Variants in PTGIS observed in about 807,000 individuals in gnomAD.
The protein encoded by PTGIS is prostacyclin synthase.
PTGIS carries 45 observed loss-of-function variants against 50.3 expected under a neutral mutation model. That is an observed-to-expected ratio of 0.90 (90% CI 0.70 to 1.15). PTGIS has a LOEUF of 1.15. PTGIS is among the 50% of genes most tolerant of loss of function. The probability of loss-of-function intolerance (pLI) is 0.00; values close to 1 mark genes in which losing one functional copy is unlikely to be tolerated. For synonymous variants in PTGIS, 260 were observed against 267.7 expected (o/e 0.97, Z 0.28); for missense variants, 668 against 661.3 (o/e 1.01, Z -0.11).
intron 2 of PTGIS, 106 bp downstream of exon 2, chr20:49,549,960 G>A (rs904488049): frequency 3.2e-6 from 5 of 1,566,664 alleles, no homozygotes; most frequent in Admixed American, 3.3e-5. Context: ...TTGGATGGTG[G>A]GGTGGGGGGG....
Position 49,524,241 on chromosome 20 carries a change from T to C in PTGIS, c.674-2A>G. 1 of 1,613,638 alleles carries C rather than the reference T, an allele frequency of 6.2e-7. No homozygotes were observed. Among genetic ancestry groups the C allele is most frequent in the African/African-American group, 1.3e-5 (1 of 75,008 alleles). On this transcript the variant is annotated splice_acceptor_variant, in intron 5 of 9. Transcript: ENST00000244043. LOFTEE classifies it high-confidence loss of function. ...CACTGCACATGTGGTCCTTGTCCCC[T>C]GCAGGGACAGAGCACAGAGAGTAGG...
At chr20:49,510,970 G>A (rs1981301141) in intron 9 of PTGIS, 58 bp downstream of exon 9, 7 of 1,556,962 alleles carry the variant, frequency 4.5e-6, no homozygotes, top group South Asian at 3.3e-5. Context: ...GGAGAGAAGG[G>A]CGCCTGCCAA....
chr20:49,554,835 T>G (rs775962777), intron 1 of PTGIS, among the ~76,000 whole-genome samples: 1 of 152,234 alleles, frequency 6.6e-6, no homozygotes, highest in Admixed American at 6.5e-5. Context: ...AGAAAATGGT[T>G]TATGGAAATT....
In PTGIS at chr20:49,547,856, T is replaced by C. The variant is rs1280259048; in HGVS notation, c.362A>G (p.Lys121Arg). 8.7e-6 allele frequency: 14 copies of C among 1,613,964 alleles called. No homozygotes were observed. Among genetic ancestry groups the C allele is most frequent in the Non-Finnish European group, 1.2e-5 (14 of 1,180,012 alleles). Residue 121 changes from lysine (K) to arginine (R), a missense_variant, in exon 3 of 10, where the codon AAG becomes AGG. Physicochemically the swap from Lys to Arg is conservative, Grantham distance 26 (BLOSUM62 2). Transcript: ENST00000244043. Reference protein sequence around the residue: ...QLPHYSPSDEKARMKLTLLHR... With the variant: ...QLPHYSPSDERARMKLTLLHR... ...AGCCACTCACAGTTTCATCCTGGCC[T>C]TTTCATCACTGGGGCTGTAATGTGG... is the stretch of plus-strand genomic sequence containing the variant.
At chr20:49,561,251 G>A (rs1982767022) in intron 1 of PTGIS, among the ~76,000 whole-genome samples, 1 of 152,156 alleles carries the variant, frequency 6.6e-6, no homozygotes, top group Non-Finnish European at 1.5e-5. Flanking sequence ...TCGTGGGCAG[G>A]AGCAAATGGC....
intron 8 of PTGIS, among the ~76,000 whole-genome samples, chr20:49,511,954 T>G (rs970575133): frequency 6.6e-6 from 1 of 151,312 alleles, no homozygotes; most frequent in African/African-American, 2.4e-5. Context: ...AATGGACAAA[T>G]GGATGGATGG....
intron 2 of PTGIS, among the ~76,000 whole-genome samples, chr20:49,549,686 T>C (rs1982455024): frequency 6.6e-6 from 1 of 151,880 alleles, no homozygotes; most frequent in Admixed American, 6.6e-5. Context: ...TGAGTAGATA[T>C]AAGGATGGAA....
chr20:49,559,047 C>T (rs1601204910), intron 1 of PTGIS, among the ~76,000 whole-genome samples: 3 of 152,110 alleles, frequency 2.0e-5, no homozygotes, highest in South Asian at 4.2e-4. Flanking sequence ...AGGATGTTTA[C>T]GATCAAGGGA....
intron 1 of PTGIS, among the ~76,000 whole-genome samples, chr20:49,560,881 C>T (rs6012695): frequency 0.34 from 52,228 of 151,910 alleles, 9,732 homozygotes; most frequent in African/African-American, 0.49. Flanking sequence ...CTATGCCACG[C>T]GTGGCAGGGA....
intron 6 of PTGIS, among the ~76,000 whole-genome samples, chr20:49,523,362 G>C (rs1981705996): frequency 6.6e-6 from 1 of 152,136 alleles, no homozygotes; most frequent in Non-Finnish European, 1.5e-5. Context: ...GAGACAGAGA[G>C]AGAGAAAGCA....
rs1982190204 is a variant in PTGIS at position 49,540,248 on chromosome 20, G to A, written c.522-527C>T. Among the ~76,000 whole-genome samples the A allele has an allele frequency of 2.0e-5, 3 of 152,192 alleles. No individual in the cohort carries two copies. The South Asian group carries it at 6.2e-4, about 31-fold the overall frequency. ...GGGACGGTGCTGAGATGGGGGCACA[G>A]AGAAGGGGAGGAGATGCCTGCTCCC... is the stretch of plus-strand genomic sequence containing the variant. On this transcript the variant is annotated intron_variant, in intron 4 of 9. Coordinates refer to ENST00000244043, the MANE Select transcript of PTGIS (RefSeq NM_000961.4). This position sits in a 1 kb window ranked among gnomAD's most constrained non-coding sequence, Gnocchi z 4.8.
Position 49,547,880 on chromosome 20 carries a change from G to A in PTGIS, c.338C>T (p.Pro113Leu). The change falls in exon 3 of 10, where the codon CCA becomes CTA. Residue 113 changes from proline (P) to leucine (L), a missense_variant. Pro to Leu is a moderately conservative substitution (Grantham distance 98). Transcript: ENST00000244043. ...CTTTTCATCACTGGGGCTGTAATGT[G>A]GAAGCTGCACATCAAAAATCCTCTC... ...LMERIFDVQL[P>L]HYSPSDEKAR... 8 of 1,614,138 alleles carry A rather than the reference G, an allele frequency of 5.0e-6. No individual in the cohort carries two copies. The highest frequency in any genetic ancestry group is 6.8e-6 in the Non-Finnish European group (8 of 1,180,030).
At chr20:49,555,763 CTT>C (rs1254110988) in intron 1 of PTGIS, among the ~76,000 whole-genome samples, 1 of 152,134 alleles carries the variant, frequency 6.6e-6, no homozygotes, top group African/African-American at 2.4e-5. Flanking sequence ...TGTTCTAAGA[CTT>C]TTGTCATCCA....
chr20:49,532,705 G>C (rs1033395690), intron 5 of PTGIS, among the ~76,000 whole-genome samples: 8 of 152,130 alleles, frequency 5.3e-5, no homozygotes, highest in African/African-American at 1.9e-4. Context: ...AATAAATTGC[G>C]AAATACAGAG....
At chr20:49,515,128 G>T (rs1187991174) in intron 6 of PTGIS, among the ~76,000 whole-genome samples, 1 of 152,174 alleles carries the variant, frequency 6.6e-6, no homozygotes, top group Non-Finnish European at 1.5e-5. Context: ...CTAAAGATTT[G>T]CTTCCAAATA....
intron 5 of PTGIS, among the ~76,000 whole-genome samples, chr20:49,529,360 T>C (rs1182215301): frequency 6.6e-6 from 1 of 152,188 alleles, no homozygotes; most frequent in Non-Finnish European, 1.5e-5. Context: ...TAATGCGGTA[T>C]TTGATTTTCT....
intron 3 of PTGIS, among the ~76,000 whole-genome samples, chr20:49,546,068 T>C (rs1429712845): frequency 6.6e-6 from 1 of 152,156 alleles, no homozygotes; most frequent in Non-Finnish European, 1.5e-5. Context: ...GCACGGTGCC[T>C]GGCACATTGT....
At chr20:49,543,796 C>T (rs535489050) in intron 4 of PTGIS, among the ~76,000 whole-genome samples, 1 of 152,298 alleles carries the variant, frequency 6.6e-6, no homozygotes, top group Admixed American at 6.5e-5. Context: ...TAACTCAATT[C>T]GGCCTCCCCC....
At chr20:49,522,427 C>T (rs1186805332) in intron 6 of PTGIS, among the ~76,000 whole-genome samples, 6 of 152,004 alleles carry the variant, frequency 3.9e-5, no homozygotes, top group African/African-American at 1.5e-4. Context: ...CTCTCTGCCC[C>T]CTGTCCTCCT....
Sources: gnomAD v4.1 joint callset for allele counts (sites outside exome capture counted in the v4.1 genomes callset) on GRCh38, gnomAD v4.1.1 for gene constraint, Gnocchi (gnomAD v3.1) non-coding constraint, MANE v1.5 for transcripts, NCBI Gene and HGNC (gene_info 2026-07-23, HGNC 2026-07-21) for gene names.